The following FGD4 variants were observed in gnomAD, a reference collection of about 807,000 sequenced individuals.
FGD4 encodes the protein FYVE, RhoGEF and PH domain-containing protein 4.
A neutral mutation model predicts 102.0 loss-of-function variants in FGD4; 42 were observed. That is an observed-to-expected ratio of 0.41 (90% CI 0.32 to 0.53). The LOEUF is 0.53. FGD4 is among the 20% of genes least tolerant of loss of function. FGD4 has a pLI of 0.21. For synonymous variants in FGD4, 380 were observed against 375.7 expected (o/e 1.01, Z -0.13); for missense variants, 902 against 1,078.2 (o/e 0.84, Z 2.29).
At chr12:32,439,343 A>G (rs1942349168) in intron 1 of FGD4, among the ~76,000 whole-genome samples, 1 of 152,150 alleles carries the variant, frequency 6.6e-6, no homozygotes. Context: ...TCTATGCCAC[A>G]TTTTCTATTC....
At chr12:32,435,186 G>A (rs1044638971) in intron 1 of FGD4, among the ~76,000 whole-genome samples, 15 of 152,016 alleles carry the variant, frequency 9.9e-5, no homozygotes, top group Non-Finnish European at 1.9e-4. Context: ...CAGGTGATCC[G>A]CCCACCTTGG....
chr12:32,511,843 A>G (rs1380282670), intron 1 of FGD4: 1 of 152,142 alleles, frequency 6.6e-6, no homozygotes, highest in Non-Finnish European at 1.5e-5. Flanking sequence ...AAGACAGTCT[A>G]CAGCCATACC....
intron 1 of FGD4, chr12:32,501,951 C>T (rs1303971880): frequency 2.5e-6 from 2 of 800,688 alleles, no homozygotes; most frequent in Non-Finnish European, 1.5e-6. Context: ...AGTTGGGCTG[C>T]ACTGGCTTGT....
intron 1 of FGD4, among the ~76,000 whole-genome samples, chr12:32,517,923 A>G (rs560233023): frequency 6.6e-6 from 1 of 152,244 alleles, no homozygotes; most frequent in East Asian, 1.9e-4. Context: ...ACTTGAAATC[A>G]TTTTGGAGAT....
rs1482289055 is a variant in FGD4 at position 32,399,635 on chromosome 12, G to C, written c.-159G>C. On this transcript the variant is annotated 5_prime_UTR_variant, in exon 1 of 17. Transcript: ENST00000534526. ...CGCGACGCCGGGAGGGAGCGTACCGGGAAGGAGAGGGAGAGGAGGCACTCG... is the reference window on the plus strand; with the variant it reads ...CGCGACGCCGGGAGGGAGCGTACCGCGAAGGAGAGGGAGAGGAGGCACTCG... 1 of 1,405,014 alleles carries C rather than the reference G, an allele frequency of 7.1e-7. No individual in the cohort carries two copies. The highest frequency in any genetic ancestry group is 9.2e-7 in the Non-Finnish European group (1 of 1,087,614). The allele number at this position is 1,405,014 out of a possible 1,614,324, so 87.0% of individuals were successfully genotyped here.
At chr12:32,624,693 C>T (rs957747121) in intron 12 of FGD4, 6 of 666,466 alleles carry the variant, frequency 9.0e-6, no homozygotes, top group African/African-American at 3.5e-5. Context: ...AGGCTGATCT[C>T]GAACTCCTGA....
intron 4 of FGD4, among the ~76,000 whole-genome samples, chr12:32,583,423 G>T (rs1041202259): frequency 2.6e-5 from 4 of 152,010 alleles, no homozygotes; most frequent in Non-Finnish European, 5.9e-5. Flanking sequence ...TTTTTTCAAG[G>T]TCACGCTGTT....
intron 1 of FGD4, among the ~76,000 whole-genome samples, chr12:32,507,171 C>T (rs534668610): frequency 1.5e-3 from 223 of 147,898 alleles, no homozygotes; most frequent in African/African-American, 5.3e-3. Flanking sequence ...TGAGTGAGAA[C>T]ATGCGGTGTT....
chr12:32,473,827 C>G (rs1040252388), intron 1 of FGD4, among the ~76,000 whole-genome samples: 1 of 152,128 alleles, frequency 6.6e-6, no homozygotes, highest in Non-Finnish European at 1.5e-5. Flanking sequence ...GTGGCTCATG[C>G]CTGTAATCCC....
chr12:32,600,158 C>G (rs1821830902), intron 5 of FGD4, among the ~76,000 whole-genome samples: 1 of 152,150 alleles, frequency 6.6e-6, no homozygotes, highest in Non-Finnish European at 1.5e-5. Context: ...CACCATAAGC[C>G]AAAATCAAAT....
intron 1 of FGD4, among the ~76,000 whole-genome samples, chr12:32,438,741 G>A (rs1565740656): frequency 1.3e-5 from 2 of 151,910 alleles, no homozygotes; most frequent in East Asian, 3.9e-4. Context: ...GAGGAGCTGG[G>A]ACTATAGGAG....
intron 3 of FGD4, among the ~76,000 whole-genome samples, chr12:32,576,913 A>G (rs1364354890): frequency 6.6e-6 from 1 of 152,012 alleles, no homozygotes. Context: ...ATCCCATTTT[A>G]TTTAATGTGG....
At chr12:32,526,215 C>G (rs1052179310) in intron 1 of FGD4, among the ~76,000 whole-genome samples, 2 of 152,198 alleles carry the variant, frequency 1.3e-5, no homozygotes, top group African/African-American at 4.8e-5. Context: ...GTGTTTAGCT[C>G]AAGGTTTGTG....
At chr12:32,581,076 T>C (rs988009870) in intron 3 of FGD4, among the ~76,000 whole-genome samples, 6 of 152,094 alleles carry the variant, frequency 3.9e-5, no homozygotes, top group Admixed American at 1.3e-4. Context: ...GGAAAGCCTC[T>C]TTGGAGATGT....
At chr12:32,429,933 C>T (rs1482440813) in intron 1 of FGD4, among the ~76,000 whole-genome samples, 1 of 150,952 alleles carries the variant, frequency 6.6e-6, no homozygotes, top group Non-Finnish European at 1.5e-5. Flanking sequence ...CGAGTCCTGC[C>T]AAATTCCTAT....
rs1233878534 is a variant in FGD4, at chr12:32,564,064, G to A, written c.167-73G>A. On this transcript the variant is annotated intron_variant, in intron 1 of 16. Transcript: ENST00000534526. ...GGGAGGGAGAGGGAGTGGGAGAGGGGAAATTTAACTTATAAGGCAGTATTG... is the reference window on the plus strand; with the variant it reads ...GGGAGGGAGAGGGAGTGGGAGAGGGAAAATTTAACTTATAAGGCAGTATTG... The A allele has an allele frequency of 9.2e-6, 13 of 1,408,478 alleles. No homozygotes were observed. In the African/African-American group the frequency reaches 1.2e-4, roughly 13 times the overall value. The allele number at this position is 1,408,478 out of a possible 1,614,324, so 87.2% of individuals were successfully genotyped here.
intron 2 of FGD4, among the ~76,000 whole-genome samples, chr12:32,575,106 CTTTA>C (rs927393748): frequency 2.0e-5 from 3 of 152,108 alleles, no homozygotes; most frequent in Non-Finnish European, 2.9e-5. Context: ...ATGAAATGAT[CTTTA>C]TTTATCCTAT....
At chr12:32,583,890 A>C (rs1162597208) in intron 4 of FGD4, among the ~76,000 whole-genome samples, 1 of 152,254 alleles carries the variant, frequency 6.6e-6, no homozygotes, top group Non-Finnish European at 1.5e-5. Context: ...TTATAGAACC[A>C]AGAAAATCTT....
intron 1 of FGD4, among the ~76,000 whole-genome samples, chr12:32,453,204 A>ATAT (rs1565748903): frequency 6.2e-5 from 3 of 48,636 alleles, no homozygotes; most frequent in East Asian, 5.6e-4. Flanking sequence ...TATATATTAT[A>ATAT]TATATATATA....
Sources: allele counts gnomAD v4.1 joint callset (sites outside exome capture counted in the v4.1 genomes callset), GRCh38; gene constraint gnomAD v4.1.1; transcripts MANE v1.5; gene names NCBI Gene and HGNC (gene_info 2026-07-23, HGNC 2026-07-21).